TNRC6B: variants seen among roughly 807,000 people sequenced by gnomAD.
TNRC6B encodes the protein trinucleotide repeat containing adaptor 6B.
In TNRC6B, 52 loss-of-function variants were observed where a neutral mutation model predicts 203.6. The observed-to-expected ratio is 0.26, with a 90% CI of 0.20 to 0.32. TNRC6B has a LOEUF of 0.32. TNRC6B is among the 10% of genes least tolerant of loss of function. TNRC6B has a pLI of 1.00. For synonymous variants in TNRC6B, 838 were observed against 845.7 expected (o/e 0.99, Z 0.16); for missense variants, 1,923 against 2,286.2 (o/e 0.84, Z 3.24).
At chr22:40,288,014 A>G (rs957685585) in intron 12 of TNRC6B, among the ~76,000 whole-genome samples, 5 of 152,262 alleles carry the variant, frequency 3.3e-5, no homozygotes, top group African/African-American at 1.2e-4. Flanking sequence ...GCAAGGGGCA[A>G]TAATATCTAG....
At chr22:40,239,979 C>T (rs1010367757) in intron 1 of TNRC6B, among the ~76,000 whole-genome samples, 2 of 151,806 alleles carry the variant, frequency 1.3e-5, no homozygotes, top group African/African-American at 4.8e-5. Flanking sequence ...CTGGGTAGCC[C>T]GCCACCATGC....
chr22:40,306,070 C>G (rs995645186), intron 15 of TNRC6B, among the ~76,000 whole-genome samples: 17 of 151,878 alleles, frequency 1.1e-4, no homozygotes, highest in Non-Finnish European at 8.8e-5. Flanking sequence ...AGGCGGGCGG[C>G]TCACAAGGTC....
At chr22:40,186,748 A>G (rs2069209107) in intron 1 of TNRC6B, among the ~76,000 whole-genome samples, 1 of 151,960 alleles carries the variant, frequency 6.6e-6, no homozygotes, top group African/African-American at 2.4e-5. Flanking sequence ...AAAAAAAAAA[A>G]AAAGTTAAAA....
In TNRC6B at chr22:40,266,756, C is replaced by A; in HGVS notation, c.2526C>A (p.Gly842=). 6.2e-7 allele frequency: 1 copy of A among 1,613,430 alleles called. No individual in the cohort carries two copies. ...PQPEASGSWG[G]PPPPPPGNVR... is the part of the protein sequence containing the mutation. ...CAGAGGCTTCTGGTTCGTGGGGAGG[C>A]CCACCCCCACCACCTCCAGGCAACG... The change falls in exon 5 of 23, where the codon GGC becomes GGA. Residue 842 remains glycine, a synonymous_variant. Coordinates refer to ENST00000454349, the MANE Select transcript of TNRC6B (RefSeq NM_001162501.2).
intron 1 of TNRC6B, among the ~76,000 whole-genome samples, chr22:40,212,049 C>G (rs2069571900): frequency 6.6e-6 from 1 of 152,174 alleles, no homozygotes; most frequent in Non-Finnish European, 1.5e-5. Flanking sequence ...GGTTCCTCAC[C>G]AAGATGAAGT....
chr22:40,229,397 G>T (rs2069836226), intron 1 of TNRC6B, among the ~76,000 whole-genome samples: 1 of 152,014 alleles, frequency 6.6e-6, no homozygotes, highest in African/African-American at 2.4e-5. Context: ...GTGTCATTCA[G>T]GGTTCTGCCA....
intron 2 of TNRC6B, among the ~76,000 whole-genome samples, chr22:40,250,271 T>G (rs985200329): frequency 6.6e-6 from 1 of 152,188 alleles, no homozygotes; most frequent in Admixed American, 6.5e-5. Context: ...TGCATCACCT[T>G]TGTGGTTTTA....
chr22:40,101,849 A>G (rs748993871), intron 1 of TNRC6B, among the ~76,000 whole-genome samples: 19 of 152,218 alleles, frequency 1.2e-4, no homozygotes, highest in Non-Finnish European at 2.2e-4. Flanking sequence ...ACAGCTGACA[A>G]TTGACACCCA....
intron 12 of TNRC6B, among the ~76,000 whole-genome samples, chr22:40,299,703 C>G (rs956074779): frequency 5.3e-5 from 8 of 152,232 alleles, no homozygotes; most frequent in African/African-American, 1.9e-4. Flanking sequence ...GGCCATTGTG[C>G]TACACTACTT....
intron 1 of TNRC6B, among the ~76,000 whole-genome samples, chr22:40,074,482 A>G (rs948674667): frequency 9.2e-5 from 14 of 151,838 alleles, no homozygotes; most frequent in African/African-American, 3.1e-4. Context: ...TATCTCTATA[A>G]AAAATAAAGA....
chr22:40,082,618 A>G (rs997640418), intron 1 of TNRC6B, among the ~76,000 whole-genome samples: 1 of 152,238 alleles, frequency 6.6e-6, no homozygotes, highest in African/African-American at 2.4e-5. Flanking sequence ...TTTTACAGGT[A>G]TGTATCCAAA....
intron 1 of TNRC6B, among the ~76,000 whole-genome samples, chr22:40,200,044 C>T (rs2069389437): frequency 6.6e-6 from 1 of 151,850 alleles, no homozygotes; most frequent in South Asian, 2.1e-4. Flanking sequence ...AGTGATCCGC[C>T]CGACTCGGCC....
chr22:40,074,654 C>G (rs1293358504), intron 1 of TNRC6B, among the ~76,000 whole-genome samples: 2 of 151,904 alleles, frequency 1.3e-5, no homozygotes, highest in African/African-American at 4.8e-5. Context: ...TGGTGGGCGC[C>G]TATAGTCCCA....
chr22:40,070,434 G>A (rs571452853), intron 1 of TNRC6B, among the ~76,000 whole-genome samples: 23 of 152,142 alleles, frequency 1.5e-4, no homozygotes, highest in Non-Finnish European at 7.3e-5. Flanking sequence ...GGTGAAGCTC[G>A]TTGACAGAGA....
intron 4 of TNRC6B, among the ~76,000 whole-genome samples, chr22:40,263,785 C>A (rs1420890563): frequency 1.3e-5 from 2 of 152,168 alleles, no homozygotes; most frequent in Non-Finnish European, 2.9e-5. Context: ...TCATGTGACA[C>A]CCCTGCCACC....
intron 3 of TNRC6B, among the ~76,000 whole-genome samples, chr22:40,154,858 AAAATATAT>A (rs1753551156): frequency 5.8e-5 from 2 of 34,308 alleles, no homozygotes; most frequent in East Asian, 5.5e-4. Context: ...AAAAAAAAAA[AAAATATAT>A]ATATATATAT....
chr22:40,202,444 A>T (rs554296976), intron 1 of TNRC6B, among the ~76,000 whole-genome samples: 1 of 151,942 alleles, frequency 6.6e-6, no homozygotes, highest in African/African-American at 2.4e-5. Context: ...ATGTAAATAA[A>T]CCATTGCTGC....
chr22:40,090,920 C>T (rs560699758), intron 1 of TNRC6B, among the ~76,000 whole-genome samples: 1 of 152,272 alleles, frequency 6.6e-6, no homozygotes, highest in South Asian at 2.1e-4. Context: ...ATCAAAAGAA[C>T]CAAAGAACAT....
chr22:40,047,728 G>A (rs2067703411), intron 1 of TNRC6B, among the ~76,000 whole-genome samples: 1 of 152,092 alleles, frequency 6.6e-6, no homozygotes, highest in Admixed American at 6.5e-5. Flanking sequence ...ATACATTTTA[G>A]CTCAAGAGTT....
Sources: gnomAD v4.1 joint callset for allele counts (sites outside exome capture counted in the v4.1 genomes callset) on GRCh38, gnomAD v4.1.1 for gene constraint, MANE v1.5 for transcripts, NCBI Gene and HGNC (gene_info 2026-07-23, HGNC 2026-07-21) for gene names.